TMLHE: variants seen among roughly 807,000 people sequenced by gnomAD.
The protein encoded by TMLHE is trimethyllysine hydroxylase, epsilon, also known as trimethyllysine dioxygenase, mitochondrial.
In TMLHE, 18 loss-of-function variants were observed where a neutral mutation model predicts 25.7. The observed-to-expected ratio is 0.70, with a 90% confidence interval of 0.48 to 1.04. TMLHE has a LOEUF of 1.04. TMLHE is among the 50% of genes least tolerant of loss of function. The pLI, the probability that TMLHE is intolerant of heterozygous loss-of-function variation, is 0.00. For missense variants in TMLHE, 236 were observed against 259.0 expected, an observed-to-expected ratio of 0.91 and a Z score of 0.61; for synonymous variants, 105 against 97.0, an observed-to-expected ratio of 1.08 and a Z score of -0.49.
chrX:155,604,940 G>T (rs2067778463), intron 1 of TMLHE, among the ~76,000 whole-genome samples: 1 of 111,967 alleles, frequency 8.9e-6, no homozygotes, highest in South Asian at 3.7e-4. Flanking sequence ...CACAGTTAAA[G>T]AAACATTAGC....
chrX:155,512,247 A>G (rs1337684824), intron 4 of TMLHE, among the ~76,000 whole-genome samples: 1 of 109,073 alleles, frequency 9.2e-6, no homozygotes, highest in Non-Finnish European at 1.9e-5. Context: ...TACATGTGCC[A>G]TGCTGGTGCG....
At chrX:155,507,443 G>T (rs782493246) in intron 5 of TMLHE, among the ~76,000 whole-genome samples, 91 of 109,180 alleles carry the variant, frequency 8.3e-4, no homozygotes, top group Non-Finnish European at 7.1e-4. Flanking sequence ...AGTCTAGTAA[G>T]AAGAACTAAA....
chrX:155,546,098 C>T (rs1473237949), intron 1 of TMLHE, among the ~76,000 whole-genome samples: 1 of 110,561 alleles, frequency 9.0e-6, no homozygotes, highest in African/African-American at 3.3e-5. Flanking sequence ...TCAGTGACTC[C>T]ATTTCTTCCT....
Position 155,591,000 on chromosome X carries a change from A to G in TMLHE, c.-2+21792T>C, listed in dbSNP as rs113053625. Among the ~76,000 whole-genome samples the G allele has an allele frequency of 9.9e-4, 111 of 111,777 alleles. 1 individual carries two copies. Among genetic ancestry groups the G allele is most frequent in the Non-Finnish European group, 1.7e-3 (89 of 53,013 alleles). On this transcript the variant is annotated intron_variant, in intron 1 of 7. Transcript: ENST00000334398. ...CGCTTTACAGTCAAAGAAACAAGCT[A>G]AAGGGAAAGGATGGGGAAAGATATA... is the stretch of plus-strand genomic sequence containing the variant.
At chrX:155,579,264 A>G (rs1002769502) in intron 1 of TMLHE, among the ~76,000 whole-genome samples, 3 of 112,190 alleles carry the variant, frequency 2.7e-5, no homozygotes, top group African/African-American at 9.7e-5. Flanking sequence ...TAAAATTCAT[A>G]TGTAAACAAA....
At chrX:155,579,170 A>C in intron 1 of TMLHE, among the ~76,000 whole-genome samples, 1 of 91,295 alleles carries the variant, frequency 1.1e-5, no homozygotes, top group Middle Eastern at 5.3e-3. Flanking sequence ...TAAAATGACC[A>C]TACTGCTCAA....
intron 5 of TMLHE, among the ~76,000 whole-genome samples, chrX:155,508,376 G>A (rs1271853565): frequency 1.8e-5 from 2 of 111,346 alleles, no homozygotes; most frequent in Non-Finnish European, 3.8e-5. Flanking sequence ...CAATTAAAAA[G>A]AGAAAGGTAA....
rs782176104 is a variant in TMLHE, at chrX:155,567,950, G to A, written c.-1-22673C>T. 3.9e-4 allele frequency among the ~76,000 whole-genome samples: 24 copies of A among 61,713 alleles called. 4 individuals carry two copies. The highest frequency in any genetic ancestry group is 7.9e-4 in the African/African-American group (22 of 27,792). The allele number at this position is 61,713 out of a possible 115,157, so 53.6% of individuals were successfully genotyped here. On this transcript the variant is annotated intron_variant, in intron 1 of 7. Coordinates refer to ENST00000334398, the MANE Select transcript of TMLHE (RefSeq NM_018196.4). ...TTCTCCATTTCCATCTGAGGTACTGGGTTCATCTCATTAGGGAGTGCCAGA... is the reference window on the plus strand; with the variant it reads ...TTCTCCATTTCCATCTGAGGTACTGAGTTCATCTCATTAGGGAGTGCCAGA...
chrX:155,524,400 A>G lies in TMLHE; in HGVS notation c.358+56T>C, dbSNP rs868957252. ...AAAGGAACAAACCATTTTCCACAAA[A>G]TAACTGTCCTTCAGAAGAGTACCCC... On this transcript the variant is annotated intron_variant, in intron 3 of 7. Coordinates refer to ENST00000334398, the MANE Select transcript of TMLHE (RefSeq NM_018196.4). The G allele has an allele frequency of 6.9e-5, 67 of 971,346 alleles. 8 individuals carry two copies. In the Middle Eastern group the frequency reaches 0.018, roughly 266 times the overall value. The allele number at this position is 971,346 out of a possible 1,213,427, so 80.0% of individuals were successfully genotyped here.
chrX:155,607,530 C>G (rs782292456), intron 1 of TMLHE, among the ~76,000 whole-genome samples: 5 of 110,320 alleles, frequency 4.5e-5, no homozygotes, highest in Non-Finnish European at 9.5e-5. Flanking sequence ...GATGCCCACT[C>G]TCAACATACT....
intron 1 of TMLHE, among the ~76,000 whole-genome samples, chrX:155,572,631 A>G (rs2067562048): frequency 1.7e-5 from 1 of 57,163 alleles, no homozygotes; most frequent in African/African-American, 4.2e-5. Context: ...CTGGTACCAA[A>G]ACAGAGATAT....
chrX:155,533,363 ACACACACGTGCACACG>A (rs2067260022), intron 2 of TMLHE, among the ~76,000 whole-genome samples: 1 of 84,347 alleles, frequency 1.2e-5, no homozygotes, highest in Non-Finnish European at 2.4e-5. Context: ...ATACACATGC[ACACACACGTGCACACG>A]CACACACACA....
At chrX:155,545,700 A>G (rs1383897320) in intron 1 of TMLHE, among the ~76,000 whole-genome samples, 1 of 111,894 alleles carries the variant, frequency 8.9e-6, no homozygotes, top group African/African-American at 3.2e-5. Context: ...TACCTTTTCT[A>G]TGTTTAGATG....
chrX:155,583,327 AAAAG>A (rs1300805084), intron 1 of TMLHE, among the ~76,000 whole-genome samples: 1 of 111,956 alleles, frequency 8.9e-6, no homozygotes, highest in Non-Finnish European at 1.9e-5. Flanking sequence ...ATAATAAAAA[AAAAG>A]AAAAGAAGAA....
chrX:155,573,861 A>C (rs1182845193), intron 1 of TMLHE, among the ~76,000 whole-genome samples: 2 of 84,980 alleles, frequency 2.4e-5, no homozygotes, highest in African/African-American at 4.4e-5. Context: ...GAGGGATAGC[A>C]TTAGGAGATA....
chrX:155,581,125 C>T (rs1163587978), intron 1 of TMLHE, among the ~76,000 whole-genome samples: 1 of 111,545 alleles, frequency 9.0e-6, no homozygotes, highest in Non-Finnish European at 1.9e-5. Flanking sequence ...ATTCAACAGC[C>T]CTTCATGCTA....
chrX:155,578,874 A>G (rs1165332455), intron 1 of TMLHE, among the ~76,000 whole-genome samples: 1 of 111,674 alleles, frequency 9.0e-6, no homozygotes, highest in East Asian at 2.8e-4. Context: ...AGAAAACCCT[A>G]AAGACTTTCT....
chrX:155,582,754 G>C (rs782306005), intron 1 of TMLHE, among the ~76,000 whole-genome samples: 1 of 112,286 alleles, frequency 8.9e-6, no homozygotes, highest in Non-Finnish European at 1.9e-5. Flanking sequence ...CATTGTGGAA[G>C]ACAGTGTGGC....
intron 1 of TMLHE, among the ~76,000 whole-genome samples, chrX:155,577,873 C>T (rs1311024551): frequency 9.0e-6 from 1 of 111,679 alleles, no homozygotes; most frequent in Non-Finnish European, 1.9e-5. Flanking sequence ...CCTGCTGCTG[C>T]TGCAGGCTGC....
Sources: allele counts gnomAD v4.1 joint callset (sites outside exome capture counted in the v4.1 genomes callset), GRCh38; gene constraint gnomAD v4.1.1; transcripts MANE v1.5; gene names NCBI Gene and HGNC (gene_info 2026-07-23, HGNC 2026-07-21).